Variants in PLCH2 observed in about 807,000 individuals in gnomAD.
PLCH2 encodes the protein 1-phosphatidylinositol 4,5-bisphosphate phosphodiesterase eta-2.
Under a neutral mutation model 134.7 loss-of-function variants are expected in PLCH2, and 98 were observed. The observed-to-expected ratio is 0.73, with a 90% confidence interval of 0.62 to 0.86. The LOEUF (loss-of-function observed/expected upper bound fraction) is 0.86. Among genes scored for constraint, PLCH2 ranks in the 40% least tolerant of loss-of-function variants. The probability of loss-of-function intolerance (pLI) is 0.00; values close to 1 mark genes in which losing one functional copy is unlikely to be tolerated. For synonymous variants in PLCH2, 974 were observed against 827.5 expected, an observed-to-expected ratio of 1.18 and a Z score of -3.04; for missense variants, 1,994 against 1,986.6, an observed-to-expected ratio of 1.00 and a Z score of -0.07.
chr1:2,447,854 C>T (rs565387047), intron 2 of PLCH2, among the ~76,000 whole-genome samples: 22 of 152,278 alleles, frequency 1.4e-4, no homozygotes, highest in African/African-American at 5.3e-4. Context: ...GATGTATTCC[C>T]TGAGGATGCA....
In PLCH2 at chr1:2,491,194, A is replaced by G. The variant is rs1012753840; in HGVS notation, c.1518A>G (p.Ala506=). 2 of 1,611,774 alleles carry G rather than the reference A, an allele frequency of 1.2e-6. No homozygotes were observed. Among genetic ancestry groups the G allele is most frequent in the Non-Finnish European group, 1.7e-6 (2 of 1,179,252 alleles). ...DDDCKLLNGD[A]STNRKRVENT... is the part of the protein sequence containing the mutation. Reference sequence around the variant, plus strand: ...AGGCCGGCCTCTGGCTCCTGCAGGCATCCACCAATCGAAAGCGTGTAGAAA... The same window carrying G: ...AGGCCGGCCTCTGGCTCCTGCAGGCGTCCACCAATCGAAAGCGTGTAGAAA... Residue 506 remains alanine (A), a splice_region_variant and synonymous_variant, in exon 11 of 22, where the codon GCA becomes GCG. Transcript: ENST00000378486.
At chr1:2,425,767 C>T (rs1638763908), upstream of PLCH2, among the ~76,000 whole-genome samples, 1 of 151,584 alleles carries the variant, frequency 6.6e-6, no homozygotes, top group African/African-American at 2.4e-5. Flanking sequence ...GAGCAATCCA[C>T]CTGCCTTGGC....
intron 21 of PLCH2, chr1:2,503,034 C>T (rs565399741): frequency 2.1e-5 from 15 of 713,122 alleles, no homozygotes; most frequent in Admixed American, 1.2e-4. Flanking sequence ...GCTCTGTATC[C>T]GTGGCACTGT....
upstream of PLCH2, among the ~76,000 whole-genome samples, chr1:2,475,808 G>A (rs1641583189): frequency 6.6e-6 from 1 of 152,202 alleles, no homozygotes; most frequent in South Asian, 2.1e-4. Flanking sequence ...GCCTGGGCTG[G>A]GAGTTGTCGC....
intron 5 of PLCH2, among the ~76,000 whole-genome samples, chr1:2,485,514 TG>T (rs1642239573): frequency 6.6e-6 from 1 of 151,818 alleles, no homozygotes; most frequent in African/African-American, 2.4e-5. Flanking sequence ...TGCCTCGGCC[TG>T]GGGGTGCTGC....
intron 2 of PLCH2, among the ~76,000 whole-genome samples, chr1:2,431,958 AG>A (rs1570219325): frequency 6.6e-6 from 1 of 152,080 alleles, no homozygotes; most frequent in African/African-American, 2.4e-5. Flanking sequence ...TGTGCACATT[AG>A]GGTGGTGGTT....
chr1:2,448,385 TTG>T lies in PLCH2; in HGVS notation c.115+17759_115+17760del, dbSNP rs1640040260. On this transcript the variant is annotated intron_variant, in intron 2 of 3. Coordinates refer to the PLCH2 transcript ENST00000609981. The surrounding 1 kb of genome is among the most constrained non-coding windows in gnomAD (Gnocchi z 4.0). Reference sequence around the variant, plus strand: ...TCTGGTGGCTCTGGCGTCCCTTGGGTTGTGGCCGCCTCCTGCTTCTGCCTGTC... The same window carrying T: ...TCTGGTGGCTCTGGCGTCCCTTGGGTTGGCCGCCTCCTGCTTCTGCCTGTC... 6.6e-6 allele frequency among the ~76,000 whole-genome samples: 1 copy of T among 152,038 alleles called. No homozygotes were observed. Among genetic ancestry groups the T allele is most frequent in the East Asian group, 1.9e-4 (1 of 5,182 alleles).
At chr1:2,477,952 T>C (rs1570401111) in intron 1 of PLCH2, among the ~76,000 whole-genome samples, 1 of 152,164 alleles carries the variant, frequency 6.6e-6, no homozygotes, top group South Asian at 2.1e-4. Context: ...ATGGGGTTGC[T>C]GCCTGCTAGG....
chr1:2,488,915 C>T (rs1197028601), intron 8 of PLCH2, among the ~76,000 whole-genome samples: 1 of 152,214 alleles, frequency 6.6e-6, no homozygotes, highest in African/African-American at 2.4e-5. Flanking sequence ...CTTTTGTTTT[C>T]CTGGAGTTTC....
intron 2 of PLCH2, among the ~76,000 whole-genome samples, chr1:2,453,970 TG>T: frequency 6.6e-6 from 1 of 150,838 alleles, no homozygotes; most frequent in East Asian, 1.9e-4. Context: ...GCCGAGTGTG[TG>T]GGGGCCTCTG....
Position 2,432,786 on chromosome 1 carries a change from C to T in PLCH2, c.115+2157C>T, listed in dbSNP as rs201090734. 3.3e-4 allele frequency among the ~76,000 whole-genome samples: 50 copies of T among 152,294 alleles called. 1 individual carries two copies. The South Asian group carries it at 3.9e-3, about 12-fold the overall frequency. ...GCAGGCTTGCCTGGACGGACACCGCCGCCCTCCCACAGCAGGGAGGGTCCC... is the reference window on the plus strand; with the variant it reads ...GCAGGCTTGCCTGGACGGACACCGCTGCCCTCCCACAGCAGGGAGGGTCCC... On this transcript the variant is annotated intron_variant, in intron 2 of 3. Transcript: ENST00000609981.
intron 2 of PLCH2, among the ~76,000 whole-genome samples, chr1:2,436,147 C>CCTCCCTG (rs1215490471): frequency 7.5e-6 from 1 of 134,006 alleles, no homozygotes; most frequent in East Asian, 2.5e-4. Context: ...CTCATCCCTT[C>CCTCCCTG]CTCCCTGCTC....
intron 2 of PLCH2, among the ~76,000 whole-genome samples, chr1:2,450,492 G>A (rs1443437506): frequency 2.0e-5 from 3 of 148,308 alleles, no homozygotes; most frequent in South Asian, 2.2e-4. Context: ...TTCAGCCTGC[G>A]CCCTATACAG....
rs1264485054 is a variant in PLCH2, at chr1:2,504,059, T to C, written c.3097T>C (p.Tyr1033His). 7 of 1,548,326 alleles carry C rather than the reference T, an allele frequency of 4.5e-6. No individual in the cohort carries two copies. The highest frequency in any genetic ancestry group is 6.1e-6 in the Non-Finnish European group (7 of 1,146,190). Reference protein sequence around the residue: ...PTSSSQGRPPYPTGPGANVAS... With the variant: ...PTSSSQGRPPHPTGPGANVAS... ...CAGCTCTTCTCAGGGACGGCCCCCA[T>C]ACCCCACAGGACCCGGAGCCAATGT... Residue 1033 changes from tyrosine to histidine, a missense_variant, in exon 22 of 22, where the codon TAC (tyrosine) becomes CAC (histidine). By Grantham distance (83) the Tyr-to-His change is moderately conservative. This residue lies in a region of PLCH2 where 900 missense variants were observed against 752.3 expected (regional missense o/e 1.20). Transcript: ENST00000378486.
intron 2 of PLCH2, among the ~76,000 whole-genome samples, chr1:2,478,929 C>T (rs1641794056): frequency 6.6e-6 from 1 of 152,110 alleles, no homozygotes; most frequent in African/African-American, 2.4e-5. Context: ...GGGGAGGTCA[C>T]AGCTCCCCAT....
At chr1:2,416,248 A>T in the PLCH2 span, among the ~76,000 whole-genome samples, 2 of 152,098 alleles carry the variant, frequency 1.3e-5, no homozygotes, top group African/African-American at 4.8e-5. Context: ...GGGTGGGCAA[A>T]GTGGGCGCTG....
chr1:2,470,117 C>T (rs780758005), intron 1 of PLCH2, among the ~76,000 whole-genome samples: 10 of 152,332 alleles, frequency 6.6e-5, no homozygotes, highest in East Asian at 5.8e-4. Context: ...TCCCTTCCAC[C>T]GCTCAGACCT....
At chr1:2,475,647 G>C (rs1641573482), upstream of PLCH2, among the ~76,000 whole-genome samples, 1 of 152,222 alleles carries the variant, frequency 6.6e-6, no homozygotes, top group South Asian at 2.1e-4. Context: ...TGTCATCCCT[G>C]CAGGGCAGAA....
rs1284590105 is a variant in PLCH2 at position 2,503,950 on chromosome 1, A to G, written c.2988A>G (p.Pro996=). ...RDTRPLSTQR[P]LPPLCSLETI... ...CCCGCCCCCTCTCCACGCAGCGGCC[A>G]CTCCCCCCACTGTGCAGCCTGGAAA... is the stretch of plus-strand genomic sequence containing the variant. The change falls in exon 22 of 22, where the codon CCA becomes CCG. Residue 996 remains proline (P), a synonymous_variant. Coordinates refer to ENST00000378486, the MANE Select transcript of PLCH2 (RefSeq NM_014638.4). 1 of 781,578 alleles carries G rather than the reference A, an allele frequency of 1.3e-6. No individual in the cohort carries two copies. The highest frequency in any genetic ancestry group is 1.6e-6 in the Non-Finnish European group (1 of 627,402). 48.4% of individuals were successfully genotyped at this position (781,578 alleles called of 1,614,324 possible).
Sources: allele counts gnomAD v4.1 joint callset (sites outside exome capture counted in the v4.1 genomes callset), GRCh38; gene constraint gnomAD v4.1.1; regional missense constraint gnomAD v4.1.1; non-coding constraint Gnocchi (gnomAD v3.1); transcripts MANE v1.5; gene names NCBI Gene and HGNC (gene_info 2026-07-23, HGNC 2026-07-21).